The following EML4 variants were observed in gnomAD, a reference collection of about 807,000 sequenced individuals.
EML4 encodes the protein EMAP like 4.
Under a neutral mutation model 129.0 loss-of-function variants are expected in EML4, and 72 were observed. The ratio of observed to expected loss-of-function variants is 0.56; its 90% CI spans 0.46 to 0.68. The LOEUF is 0.68. Among genes scored for constraint, EML4 ranks in the 30% least tolerant of loss-of-function variants. EML4 has a pLI of 0.00. For synonymous variants in EML4, 532 were observed against 405.0 expected (o/e 1.31, Z -3.77); for missense variants, 1,363 against 1,190.6 (o/e 1.14, Z -2.13).
intron 3 of EML4, 129 bp from the exon 4 acceptor site, chr2:42,260,992 G>A: frequency 1.5e-6 from 1 of 651,660 alleles, no homozygotes; most frequent in South Asian, 2.5e-5. Context: ...CTTATTGAAT[G>A]AAAACAGTGC....
At chr2:42,169,799 C>A in intron 1 of EML4, 163 bp downstream of exon 1, 1 of 670,782 alleles carries the variant, frequency 1.5e-6, no homozygotes, top group Non-Finnish European at 2.3e-6. Context: ...CTCCGGTGGA[C>A]TGAGGGCCCC....
chr2:42,250,551 G>C (rs1296667880), intron 2 of EML4, among the ~76,000 whole-genome samples: 3 of 152,152 alleles, frequency 2.0e-5, no homozygotes, highest in African/African-American at 7.2e-5. Context: ...TCACTTAACA[G>C]GGATACTTTC....
At chr2:42,306,199 C>A (rs565470784) in intron 17 of EML4, among the ~76,000 whole-genome samples, 1 of 152,268 alleles carries the variant, frequency 6.6e-6, no homozygotes, top group African/African-American at 2.4e-5. Context: ...TAGACTTGGA[C>A]ATTTGTCCAT....
At chr2:42,324,963 T>C (rs1474156263) in intron 19 of EML4, among the ~76,000 whole-genome samples, 4 of 152,216 alleles carry the variant, frequency 2.6e-5, no homozygotes, top group African/African-American at 9.6e-5. Context: ...AAACATTCTT[T>C]AGAGATAGTC....
intron 6 of EML4, among the ~76,000 whole-genome samples, chr2:42,273,284 G>A (rs1184397472): frequency 1.3e-5 from 2 of 152,118 alleles, no homozygotes; most frequent in Non-Finnish European, 2.9e-5. Flanking sequence ...GCAGTTTTAT[G>A]TGTCTCATAT....
chr2:42,310,589 G>A (rs1260282527), intron 17 of EML4, among the ~76,000 whole-genome samples: 3 of 152,262 alleles, frequency 2.0e-5, no homozygotes, highest in South Asian at 4.1e-4. Context: ...CAAGTGATCT[G>A]CTTGTCTCAG....
chr2:42,195,835 T>C (rs1177392170), intron 1 of EML4, among the ~76,000 whole-genome samples: 1 of 152,208 alleles, frequency 6.6e-6, no homozygotes, highest in Admixed American at 6.5e-5. Flanking sequence ...GAGATTTTTT[T>C]CTCCAATCTT....
chr2:42,235,167 G>A (rs1458242214), intron 1 of EML4, among the ~76,000 whole-genome samples: 1 of 152,038 alleles, frequency 6.6e-6, no homozygotes, highest in Non-Finnish European at 1.5e-5. Flanking sequence ...GTGCTTGCAG[G>A]TGCTTGTAAT....
At chr2:42,312,588 C>A (rs919900354) in intron 17 of EML4, among the ~76,000 whole-genome samples, 1 of 150,044 alleles carries the variant, frequency 6.7e-6, no homozygotes, top group Non-Finnish European at 1.5e-5. Flanking sequence ...GGGTCTTGCT[C>A]TGTCGCCCAG....
intron 1 of EML4, among the ~76,000 whole-genome samples, chr2:42,239,774 G>A (rs1187523445): frequency 1.3e-5 from 2 of 151,756 alleles, no homozygotes; most frequent in Non-Finnish European, 1.5e-5. Flanking sequence ...AGGCGGCGGG[G>A]GGTGGGGTGT....
chr2:42,179,705 C>T (rs1041313027), intron 1 of EML4, among the ~76,000 whole-genome samples: 2 of 152,234 alleles, frequency 1.3e-5, no homozygotes, highest in South Asian at 2.1e-4. Flanking sequence ...CGGGTTCAAG[C>T]GATTATCCTG....
chr2:42,259,244 C>G (rs1050375263), intron 3 of EML4, among the ~76,000 whole-genome samples: 2 of 146,454 alleles, frequency 1.4e-5, no homozygotes, highest in Admixed American at 6.8e-5. Context: ...AAGACTTCAT[C>G]TGAAAAAAAA....
At chr2:42,233,132 T>C (rs1229845369) in intron 1 of EML4, among the ~76,000 whole-genome samples, 1 of 152,224 alleles carries the variant, frequency 6.6e-6, no homozygotes, top group African/African-American at 2.4e-5. Context: ...TGTTCATAAC[T>C]CCTCACATTT....
intron 22 of EML4, among the ~76,000 whole-genome samples, chr2:42,329,261 G>A (rs1053855867): frequency 1.3e-5 from 2 of 152,034 alleles, no homozygotes; most frequent in African/African-American, 4.8e-5. Flanking sequence ...TTATTGTCCG[G>A]TTGCTTTTTA....
chr2:42,204,409 A>G (rs942398743), intron 1 of EML4, among the ~76,000 whole-genome samples: 1 of 152,194 alleles, frequency 6.6e-6, no homozygotes, highest in Non-Finnish European at 1.5e-5. Context: ...GGAAAGGGCC[A>G]GATAATAAAT....
chr2:42,258,432 C>G (rs867738173), intron 3 of EML4, among the ~76,000 whole-genome samples: 1 of 151,500 alleles, frequency 6.6e-6, no homozygotes, highest in Non-Finnish European at 1.5e-5. Context: ...TGTTGTTCTG[C>G]TCTTGTTGCC....
chr2:42,303,478 C>A, intron 16 of EML4, 32 bp downstream of exon 16: 4 of 1,603,720 alleles, frequency 2.5e-6, no homozygotes, highest in Non-Finnish European at 3.4e-6. Context: ...TATTAACCTC[C>A]CCACAGAAAC....
chr2:42,231,295 G>A (rs773341294), intron 1 of EML4, among the ~76,000 whole-genome samples: 24 of 152,110 alleles, frequency 1.6e-4, no homozygotes, highest in South Asian at 4.1e-4. Context: ...CTTCTCTGCT[G>A]GATAACTTTG....
Position 42,301,344 on chromosome 2 carries a change from A to C in EML4, c.1593A>C (p.Arg531Ser). The stretch of plus-strand genomic sequence containing the variant: ...TATTAACTGGAGGAGGGAAAGACAG[A>C]AAAATAATTCTGTGGGATCATGATC... ...GMLLTGGGKDRKIILWDHDLN... is the reference protein window; with the variant it reads ...GMLLTGGGKDSKIILWDHDLN... The change falls in exon 14 of 23, where the codon AGA (arginine) becomes AGC (serine). Residue 531 changes from arginine to serine, a missense_variant. Transcript: ENST00000318522. 1 of 1,613,412 alleles carries C rather than the reference A, an allele frequency of 6.2e-7. No individual in the cohort carries two copies. The highest frequency in any genetic ancestry group is 8.5e-7 in the Non-Finnish European group (1 of 1,179,624).
Sources: allele counts gnomAD v4.1 joint callset (sites outside exome capture counted in the v4.1 genomes callset), GRCh38; gene constraint gnomAD v4.1.1; transcripts MANE v1.5; gene names NCBI Gene and HGNC (gene_info 2026-07-23, HGNC 2026-07-21).